Variants in UGT1A1 observed in about 807,000 individuals in gnomAD.
UGT1A1 encodes UDP-glucuronosyltransferase 1A1.
UGT1A1 carries 33 observed loss-of-function variants against 40.6 expected under a neutral mutation model. The ratio of observed to expected loss-of-function variants is 0.81; its 90% CI spans 0.62 to 1.09. UGT1A1 has a LOEUF of 1.09. UGT1A1 is among the 50% of genes least tolerant of loss of function. The probability of loss-of-function intolerance (pLI) is 0.00; values close to 1 mark genes in which losing one functional copy is unlikely to be tolerated. For missense variants in UGT1A1, 694 were observed against 671.2 expected, an observed-to-expected ratio of 1.03 and a Z score of -0.38; for synonymous variants, 249 against 265.0, an observed-to-expected ratio of 0.94 and a Z score of 0.59.
intron 1 of UGT1A1, among the ~76,000 whole-genome samples, chr2:233,765,663 C>T (rs1698902511): frequency 6.6e-6 from 1 of 151,426 alleles, no homozygotes; most frequent in South Asian, 2.1e-4. Flanking sequence ...CAGCAAACCA[C>T]CATGGCATAT....
At chr2:233,766,252 C>T (rs1204251588) in intron 1 of UGT1A1, among the ~76,000 whole-genome samples, 7 of 151,626 alleles carry the variant, frequency 4.6e-5, no homozygotes, top group South Asian at 2.1e-4. Flanking sequence ...GGAGTCAGAC[C>T]GCTCAGTGGC....
At position 233,768,045 on chromosome 2, in the gene UGT1A1, A is replaced by G. The variant is rs1699553884; in HGVS notation, c.1084+109A>G. 10 of 1,608,356 alleles carry G rather than the reference A, an allele frequency of 6.2e-6. No individual in the cohort carries two copies. The Admixed American group carries it at 1.5e-4, about 25-fold the overall frequency. On this transcript the variant is annotated intron_variant, in intron 3 of 4. Coordinates refer to ENST00000305208, the MANE Select transcript of UGT1A1 (RefSeq NM_000463.3). ...TGAGCTTGAAAATATTATGGCCAAC[A>G]TATCCTACATTGCTTTTTATCTAGT...
rs368860136 is a variant in UGT1A1 at position 233,772,310 on chromosome 2, G to C, written c.1353G>C (p.Pro451=). 4.6e-5 allele frequency: 74 copies of C among 1,614,210 alleles called. 1 individual carries two copies. The South Asian group carries it at 7.0e-4, about 15-fold the overall frequency. The part of the protein sequence containing the change: ...MRLSSLHKDR[P]VEPLDLAVFW... Reference sequence around the variant, plus strand: ...TCTCCAGCCTTCACAAGGACCGCCCGGTGGAGCCGCTGGACCTGGCCGTGT... The same window carrying C: ...TCTCCAGCCTTCACAAGGACCGCCCCGTGGAGCCGCTGGACCTGGCCGTGT... The change falls in exon 5 of 5, where the codon CCG becomes CCC. Residue 451 remains proline, a synonymous_variant. Transcript: ENST00000305208.
At chr2:233,768,912 T>C (rs923481624) in intron 4 of UGT1A1, among the ~76,000 whole-genome samples, 1 of 152,140 alleles carries the variant, frequency 6.6e-6, no homozygotes, top group African/African-American at 2.4e-5. Context: ...AATTTAGAGG[T>C]TATTATTCAC....
In UGT1A1 at chr2:233,768,259, C is replaced by T. The variant is rs72551353; in HGVS notation, c.1124C>T (p.Ser375Phe). ...MTRAFITHAGSHGVYESICNG... is the reference protein window; with the variant it reads ...MTRAFITHAGFHGVYESICNG... ...CGTGCCTTTATCACCCATGCTGGTT[C>T]CCATGGTGTTTATGAAAGCATATGC... Residue 375 changes from serine (S) to phenylalanine (F), a missense_variant, in exon 4 of 5, where the codon TCC becomes TTC. Ser to Phe is a radical substitution (Grantham distance 155). Coordinates refer to ENST00000305208, the MANE Select transcript of UGT1A1 (RefSeq NM_000463.3). The T allele has an allele frequency of 1.8e-5, 29 of 1,614,010 alleles. No homozygotes were observed. The highest frequency in any genetic ancestry group is 2.4e-5 in the Non-Finnish European group (28 of 1,180,040).
Position 233,767,868 on chromosome 2 carries a change from G to A in UGT1A1, c.1016G>A (p.Gly339Glu). 6.2e-7 allele frequency: 1 copy of A among 1,614,124 alleles called. No individual in the cohort carries two copies. The change falls in exon 3 of 5, where the codon GGA (glycine) becomes GAA (glutamate). Residue 339 changes from glycine to glutamate, a missense_variant. Physicochemically the swap from Gly to Glu is moderately conservative, Grantham distance 98 (BLOSUM62 -2). Coordinates refer to ENST00000305208, the MANE Select transcript of UGT1A1 (RefSeq NM_000463.3). ...TCCCAGGTCCTGTGGCGGTACACTG[G>A]AACCCGACCATCGAATCTTGCGAAC... ...IPQTVLWRYTGTRPSNLANNT... is the reference protein window; with the variant it reads ...IPQTVLWRYTETRPSNLANNT...
chr2:233,763,806 G>A (rs1352583064), intron 1 of UGT1A1, among the ~76,000 whole-genome samples: 14 of 152,218 alleles, frequency 9.2e-5, no homozygotes, highest in Non-Finnish European at 1.8e-4. Context: ...TGAAACTCAA[G>A]AATTCCAAGA....
chr2:233,760,764 C>T lies in UGT1A1; in HGVS notation c.477C>T (p.Ile159=), dbSNP rs199766420. 1.0e-4 allele frequency: 164 copies of T among 1,614,088 alleles called. 1 individual carries two copies. The Middle Eastern group carries it at 2.1e-3, about 21-fold the overall frequency. ...ACCCTTTCCTTCCTTGCAGCCCCATCGTGGCCCAGTACCTGTCTCTGCCCA... is the reference window on the plus strand; with the variant it reads ...ACCCTTTCCTTCCTTGCAGCCCCATTGTGGCCCAGTACCTGTCTCTGCCCA... ...LTDPFLPCSP[I]VAQYLSLPTV... The change falls in exon 1 of 5, where the codon ATC becomes ATT. Residue 159 remains isoleucine (I), a synonymous_variant. Transcript: ENST00000305208.
Position 233,769,688 on chromosome 2 carries a change from C to A in UGT1A1, c.1304+1249C>A, listed in dbSNP as rs1385163206. 2.6e-6 allele frequency: 4 copies of A among 1,552,874 alleles called. No homozygotes were observed. The African/African-American group carries it at 5.4e-5, about 21-fold the overall frequency. Reference sequence around the variant, plus strand: ...AGGTGCTAATGTGTGTGTGGTGGCACTGGATAAAAGATCAATGTTGGCTAG... The same window carrying A: ...AGGTGCTAATGTGTGTGTGGTGGCAATGGATAAAAGATCAATGTTGGCTAG... On this transcript the variant is annotated intron_variant, in intron 4 of 4. Coordinates refer to ENST00000305208, the MANE Select transcript of UGT1A1 (RefSeq NM_000463.3). This position sits in a 1 kb window ranked among gnomAD's most constrained non-coding sequence, Gnocchi z 4.4.
rs569556369 is a variant in UGT1A1, at chr2:233,768,497, C to G, written c.1304+58C>G. 8 of 1,559,772 alleles carry G rather than the reference C, an allele frequency of 5.1e-6. No individual in the cohort carries two copies. The South Asian group carries it at 9.4e-5, about 18-fold the overall frequency. On this transcript the variant is annotated intron_variant, in intron 4 of 4. Coordinates refer to ENST00000305208, the MANE Select transcript of UGT1A1 (RefSeq NM_000463.3). ...CATGGCATTCATGATAAAATTGTTT[C>G]AAATATGAAAACATTTACGTAGCAT... is the stretch of plus-strand genomic sequence containing the variant.
At chr2:233,762,315 G>T (rs565893517) in intron 1 of UGT1A1, among the ~76,000 whole-genome samples, 1 of 152,334 alleles carries the variant, frequency 6.6e-6, no homozygotes, top group South Asian at 2.1e-4. Context: ...TTAATGGGTC[G>T]AGAGTAATCC....
chr2:233,768,630 A>T (rs1213250960), intron 4 of UGT1A1, among the ~76,000 whole-genome samples, 191 bp downstream of exon 4: 3 of 121,000 alleles, frequency 2.5e-5, no homozygotes, highest in African/African-American at 9.7e-5. Flanking sequence ...TCTGTCACCT[A>T]GGCTGGAGTG....
At position 233,763,627 on chromosome 2, in the gene UGT1A1, G is replaced by A. The variant is rs1698360678; in HGVS notation, c.864+2476G>A. Among the ~76,000 whole-genome samples, 2 of 152,126 alleles carry A rather than the reference G, an allele frequency of 1.3e-5. 1 individual carries two copies. Among genetic ancestry groups the A allele is most frequent in the Admixed American group, 1.3e-4 (2 of 15,272 alleles). ...CACTCTGCACTACCATTCCTCTTGT[G>A]TTGATGGTCCTATTCTCAATACTCT... On this transcript the variant is annotated intron_variant, in intron 1 of 4. Transcript: ENST00000305208.
Position 233,760,411 on chromosome 2 carries a change from A to G in UGT1A1, c.124A>G (p.Ser42Gly), listed in dbSNP as rs1575771994. Reference sequence around the variant, plus strand: ...CCCAGTGGATGGCAGCCACTGGCTGAGCATGCTTGGGGCCATCCAGCAGCT... The same window carrying G: ...CCCAGTGGATGGCAGCCACTGGCTGGGCATGCTTGGGGCCATCCAGCAGCT... ...LIPVDGSHWL[S>G]MLGAIQQLQQ... The change falls in exon 1 of 5, where the codon AGC becomes GGC. Residue 42 changes from serine (S) to glycine (G), a missense_variant. Coordinates refer to ENST00000305208, the MANE Select transcript of UGT1A1 (RefSeq NM_000463.3). 1 of 1,614,192 alleles carries G rather than the reference A, an allele frequency of 6.2e-7. No homozygotes were observed. Among genetic ancestry groups the G allele is most frequent in the Non-Finnish European group, 8.5e-7 (1 of 1,180,032 alleles).
Position 233,773,005 on chromosome 2 carries a change from C to A in UGT1A1, c.*446C>A. ...GTCAGTCCTCATCTCTGTCGTGCTT[C>A]ATAGGTGCCACCTTGTGTGTTTAAA... On this transcript the variant is annotated 3_prime_UTR_variant, in exon 5 of 5. Transcript: ENST00000305208. 4.6e-6 allele frequency: 1 copy of A among 219,060 alleles called. No individual in the cohort carries two copies. 13.6% of individuals were successfully genotyped at this position (219,060 alleles called of 1,614,324 possible).
At chr2:233,771,027 G>A (rs186703216) in intron 4 of UGT1A1, 2 of 152,078 alleles carry the variant, frequency 1.3e-5, no homozygotes, top group Admixed American at 6.6e-5. Context: ...GAGAGAGTTG[G>A]GGGGGAAGGT....
Position 233,769,857 on chromosome 2 carries a change from C to CTAA in UGT1A1, c.1304+1418_1304+1419insTAA. Reference sequence around the variant, plus strand: ...TGGGCAACAGAGTGAGACCCTGTCTCAAAAAAAAAAAAAAAAATGAAAAGT... The same window carrying CTAA: ...TGGGCAACAGAGTGAGACCCTGTCTCTAAAAAAAAAAAAAAAAAAATGAAAAGT... On this transcript the variant is annotated intron_variant, in intron 4 of 4. Coordinates refer to ENST00000305208, the MANE Select transcript of UGT1A1 (RefSeq NM_000463.3). This position sits in a 1 kb window ranked among gnomAD's most constrained non-coding sequence, Gnocchi z 4.4. 4.5e-6 allele frequency: 1 copy of CTAA among 223,668 alleles called. No homozygotes were observed. Among genetic ancestry groups the CTAA allele is most frequent in the Non-Finnish European group, 8.0e-6 (1 of 125,120 alleles). The allele number at this position is 223,668 out of a possible 1,614,324, so 13.9% of individuals were successfully genotyped here.
rs1697654904 is a variant in UGT1A1, at chr2:233,761,044, G to C, written c.757G>C (p.Val253Leu). 3 of 1,614,190 alleles carry C rather than the reference G, an allele frequency of 1.9e-6. No homozygotes were observed. The highest frequency in any genetic ancestry group is 2.5e-6 in the Non-Finnish European group (3 of 1,180,038). The part of the protein sequence containing the change: ...TVQDLLSSAS[V>L]WLFRSDFVKD... ...CCAGGACCTATTGAGCTCTGCATCT[G>C]TCTGGCTGTTTAGAAGTGACTTTGT... Residue 253 changes from valine to leucine, a missense_variant, in exon 1 of 5, where the codon GTC becomes CTC. Transcript: ENST00000305208.
intron 1 of UGT1A1, among the ~76,000 whole-genome samples, chr2:233,765,157 C>T (rs1698767071): frequency 6.6e-6 from 1 of 152,114 alleles, no homozygotes; most frequent in African/African-American, 2.4e-5. Context: ...CTAGGGAACC[C>T]CTCAGTTTGG....
Sources: allele counts gnomAD v4.1 joint callset (sites outside exome capture counted in the v4.1 genomes callset), GRCh38; gene constraint gnomAD v4.1.1; non-coding constraint Gnocchi (gnomAD v3.1); transcripts MANE v1.5; gene names NCBI Gene and HGNC (gene_info 2026-07-23, HGNC 2026-07-21).